GFOD1: variants seen among roughly 807,000 people sequenced by gnomAD.
GFOD1 encodes the protein Gfo/Idh/MocA-like oxidoreductase domain containing 1, also known as glucose-fructose oxidoreductase domain-containing protein 1.
GFOD1 carries 9 observed loss-of-function variants against 25.4 expected under a neutral mutation model. The ratio of observed to expected loss-of-function variants is 0.35; its 90% CI spans 0.21 to 0.62. GFOD1 has a LOEUF of 0.62. Among genes scored for constraint, GFOD1 ranks in the 20% least tolerant of loss-of-function variants. The pLI is 0.72. For missense variants in GFOD1, 403 were observed against 556.9 expected (o/e 0.72, Z 2.78); for synonymous variants, 253 against 245.6 (o/e 1.03, Z -0.28).
chr6:13,424,178 A>T (rs976671730), intron 1 of GFOD1, among the ~76,000 whole-genome samples: 8 of 152,092 alleles, frequency 5.3e-5, no homozygotes, highest in Non-Finnish European at 1.2e-4. Flanking sequence ...CCCTTTTTTT[A>T]AAATAATTAT....
At chr6:13,368,441 C>T (rs916778425) in intron 1 of GFOD1, among the ~76,000 whole-genome samples, 1 of 152,192 alleles carries the variant, frequency 6.6e-6, no homozygotes, top group Non-Finnish European at 1.5e-5. Context: ...ACATTATGTT[C>T]TGACAATATG....
intron 1 of GFOD1, among the ~76,000 whole-genome samples, chr6:13,479,028 C>G (rs1259936625): frequency 6.7e-6 from 1 of 148,456 alleles, no homozygotes; most frequent in Non-Finnish European, 1.5e-5. Flanking sequence ...GCAAATATGA[C>G]ACCTGAAGCT....
intron 1 of GFOD1, among the ~76,000 whole-genome samples, chr6:13,446,136 C>A (rs1365555585): frequency 6.6e-6 from 1 of 152,206 alleles, no homozygotes; most frequent in African/African-American, 2.4e-5. Flanking sequence ...AATCACAGCC[C>A]ATTCCTAGCC....
chr6:13,453,814 C>T (rs1047542601), intron 1 of GFOD1, among the ~76,000 whole-genome samples: 3 of 152,228 alleles, frequency 2.0e-5, no homozygotes, highest in African/African-American at 7.2e-5. Flanking sequence ...TAGTAAGTGG[C>T]AGCTGTCAAT....
intron 1 of GFOD1, among the ~76,000 whole-genome samples, chr6:13,402,569 T>A (rs1266376121): frequency 8.6e-6 from 1 of 116,596 alleles, no homozygotes; most frequent in Non-Finnish European, 1.9e-5. Flanking sequence ...AATAAACACA[T>A]GAAAAGATGC....
chr6:13,420,033 C>T (rs765309487), intron 1 of GFOD1, among the ~76,000 whole-genome samples: 7 of 152,158 alleles, frequency 4.6e-5, no homozygotes, highest in African/African-American at 1.2e-4. Flanking sequence ...GCAGGCAGGA[C>T]GTGGTCTGCC....
At chr6:13,389,370 C>T (rs1785538309) in intron 1 of GFOD1, among the ~76,000 whole-genome samples, 1 of 152,184 alleles carries the variant, frequency 6.6e-6, no homozygotes, top group Admixed American at 6.5e-5. Flanking sequence ...ACCCAAATGT[C>T]CATCAATGAT....
At chr6:13,435,495 T>G (rs1262036618) in intron 1 of GFOD1, among the ~76,000 whole-genome samples, 1 of 152,214 alleles carries the variant, frequency 6.6e-6, no homozygotes, top group Non-Finnish European at 1.5e-5. Flanking sequence ...ACTAGACTGT[T>G]AGCTCCAAAG....
chr6:13,369,871 T>G (rs1357368108), intron 1 of GFOD1, among the ~76,000 whole-genome samples: 1 of 152,006 alleles, frequency 6.6e-6, no homozygotes, highest in Non-Finnish European at 1.5e-5. Context: ...CTCTCTGAAA[T>G]GACAAAAGAA....
chr6:13,464,798 G>C (rs1475150592), intron 1 of GFOD1, among the ~76,000 whole-genome samples: 1 of 151,872 alleles, frequency 6.6e-6, no homozygotes, highest in Non-Finnish European at 1.5e-5. Flanking sequence ...CTTTTCTTTA[G>C]GTCTCTAGCC....
chr6:13,482,563 A>G (rs897770500), intron 1 of GFOD1, among the ~76,000 whole-genome samples: 3 of 152,050 alleles, frequency 2.0e-5, no homozygotes, highest in African/African-American at 7.2e-5. Flanking sequence ...CCTGGCCAAC[A>G]TAGGGAAACC....
chr6:13,425,985 G>C (rs1279666631), intron 1 of GFOD1, among the ~76,000 whole-genome samples: 1 of 152,224 alleles, frequency 6.6e-6, no homozygotes, highest in East Asian at 1.9e-4. Flanking sequence ...GCCGTGCCGG[G>C]CTGCAGGCTG....
intron 1 of GFOD1, among the ~76,000 whole-genome samples, chr6:13,421,806 T>A (rs1786261417): frequency 6.6e-6 from 1 of 152,224 alleles, no homozygotes; most frequent in Non-Finnish European, 1.5e-5. Context: ...CGGAAGCTCA[T>A]CCTGCCTACG....
intron 1 of GFOD1, among the ~76,000 whole-genome samples, chr6:13,424,959 T>C (rs1584643854): frequency 6.8e-6 from 1 of 146,616 alleles, no homozygotes; most frequent in African/African-American, 2.5e-5. Context: ...TTTAATTCTT[T>C]TTTTTTTTTT....
intron 1 of GFOD1, among the ~76,000 whole-genome samples, chr6:13,443,587 G>C (rs1264176497): frequency 1.3e-5 from 2 of 152,092 alleles, no homozygotes; most frequent in African/African-American, 4.8e-5. Flanking sequence ...AGGCTGAGGT[G>C]GGTGGATCGC....
At chr6:13,429,872 TAC>T (rs946905529) in intron 1 of GFOD1, among the ~76,000 whole-genome samples, 2 of 152,200 alleles carry the variant, frequency 1.3e-5, no homozygotes, top group African/African-American at 4.8e-5. Flanking sequence ...TACATATATA[TAC>T]ACACACATGC....
chr6:13,398,893 C>T (rs149629077), intron 1 of GFOD1, among the ~76,000 whole-genome samples: 1 of 152,360 alleles, frequency 6.6e-6, no homozygotes, highest in East Asian at 1.9e-4. Context: ...ACGCCACAGA[C>T]ACCAGTTGAT....
At chr6:13,389,075 C>T (rs1785532692) in intron 1 of GFOD1, among the ~76,000 whole-genome samples, 1 of 152,200 alleles carries the variant, frequency 6.6e-6, no homozygotes, top group Non-Finnish European at 1.5e-5. Flanking sequence ...TACCATCTCA[C>T]ACCAGTTAGA....
At chr6:13,432,124 C>T (rs1409238976) in intron 1 of GFOD1, among the ~76,000 whole-genome samples, 1 of 152,180 alleles carries the variant, frequency 6.6e-6, no homozygotes, top group Non-Finnish European at 1.5e-5. Flanking sequence ...AAACAAAAAA[C>T]CAACAGGTGT....
Sources: gnomAD v4.1 joint callset for allele counts (sites outside exome capture counted in the v4.1 genomes callset) on GRCh38, gnomAD v4.1.1 for gene constraint, MANE v1.5 for transcripts, NCBI Gene and HGNC (gene_info 2026-07-23, HGNC 2026-07-21) for gene names.